SGMS1: variants seen among roughly 807,000 people sequenced by gnomAD.
The protein encoded by SGMS1 is phosphatidylcholine:ceramide cholinephosphotransferase 1.
SGMS1 carries 13 observed loss-of-function variants against 46.2 expected under a neutral mutation model. That is an observed-to-expected ratio of 0.28 (90% CI 0.18 to 0.45). The LOEUF (loss-of-function observed/expected upper bound fraction) is 0.45. Ranked by LOEUF, SGMS1 falls within the 20% of genes least tolerant of loss-of-function variation. The probability of loss-of-function intolerance (pLI) is 1.00; values close to 1 mark genes in which losing one functional copy is unlikely to be tolerated. For missense variants in SGMS1, 324 were observed against 519.9 expected, an observed-to-expected ratio of 0.62 and a Z score of 3.66; for synonymous variants, 203 against 187.8, an observed-to-expected ratio of 1.08 and a Z score of -0.66.
intron 3 of SGMS1, among the ~76,000 whole-genome samples, chr10:50,471,359 A>T (rs1415517670): frequency 6.6e-6 from 1 of 152,226 alleles, no homozygotes; most frequent in Non-Finnish European, 1.5e-5. Context: ...GCAAGGAGAA[A>T]AAAACCACGT....
chr10:50,373,039 T>A (rs1044531983), intron 6 of SGMS1, among the ~76,000 whole-genome samples: 1 of 152,340 alleles, frequency 6.6e-6, no homozygotes, highest in African/African-American at 2.4e-5. Context: ...ATCTTCCACA[T>A]AAAATTTAGC....
At chr10:50,477,096 C>T (rs886871636) in intron 3 of SGMS1, among the ~76,000 whole-genome samples, 1 of 152,228 alleles carries the variant, frequency 6.6e-6, no homozygotes, top group Non-Finnish European at 1.5e-5. Flanking sequence ...TTGCATCATG[C>T]ACCTGGAAAA....
intron 8 of SGMS1, 49 bp from the exon 9 acceptor site, chr10:50,311,464 C>A (rs1282374552): frequency 3.8e-6 from 6 of 1,571,784 alleles, no homozygotes; most frequent in Non-Finnish European, 5.2e-6. Flanking sequence ...TACGAGCCCA[C>A]ATGAAAATGT....
At chr10:50,415,947 G>A (rs976879959) in intron 6 of SGMS1, among the ~76,000 whole-genome samples, 1 of 152,192 alleles carries the variant, frequency 6.6e-6, no homozygotes, top group Non-Finnish European at 1.5e-5. Flanking sequence ...TGCACACCCT[G>A]AATTAAAAGG....
At chr10:50,394,297 T>A (rs900269146) in intron 6 of SGMS1, among the ~76,000 whole-genome samples, 1 of 152,226 alleles carries the variant, frequency 6.6e-6, no homozygotes, top group Admixed American at 6.5e-5. Flanking sequence ...GTGTCGTGTT[T>A]CCTAAAACAA....
chr10:50,614,086 GA>G (rs1838774717), intron 1 of SGMS1, among the ~76,000 whole-genome samples: 2 of 151,562 alleles, frequency 1.3e-5, no homozygotes, highest in Admixed American at 6.6e-5. Flanking sequence ...CCTCCATGGG[GA>G]TAAGTGGTGA....
intron 6 of SGMS1, among the ~76,000 whole-genome samples, chr10:50,386,340 C>A (rs1440890563): frequency 6.6e-6 from 1 of 152,144 alleles, no homozygotes; most frequent in Admixed American, 6.6e-5. Context: ...GAATGCATTA[C>A]TTCATATAGC....
chr10:50,315,649 T>C (rs1847327325), intron 8 of SGMS1, among the ~76,000 whole-genome samples: 1 of 152,126 alleles, frequency 6.6e-6, no homozygotes, highest in Admixed American at 6.6e-5. Context: ...AAAGATGGAG[T>C]GTGCTTACTC....
chr10:50,603,635 A>G (rs1838668685), intron 1 of SGMS1, among the ~76,000 whole-genome samples: 1 of 152,258 alleles, frequency 6.6e-6, no homozygotes. Context: ...TTGAGGGGTA[A>G]AAAACTAAAT....
At chr10:50,622,245 AC>A (rs1838859028) in intron 1 of SGMS1, among the ~76,000 whole-genome samples, 1 of 152,010 alleles carries the variant, frequency 6.6e-6, no homozygotes, top group African/African-American at 2.4e-5. Context: ...GACGTTTCAC[AC>A]CCCGACCAAT....
chr10:50,363,540 G>A lies in SGMS1; in HGVS notation c.-231-19195C>T, dbSNP rs556343781. Among the ~76,000 whole-genome samples the A allele has an allele frequency of 1.2e-4, 19 of 152,240 alleles. No individual in the cohort carries two copies. The East Asian group carries it at 3.7e-3, about 29-fold the overall frequency. ...ATAGAATACTGAAGTTTATCCTCTG[G>A]AAAAGAGACATGGAGAGTTTCTAGA... On this transcript the variant is annotated intron_variant, in intron 6 of 10. Coordinates refer to ENST00000361781, the MANE Select transcript of SGMS1 (RefSeq NM_147156.4).
chr10:50,547,520 A>G (rs1838111738), intron 2 of SGMS1, among the ~76,000 whole-genome samples: 1 of 152,246 alleles, frequency 6.6e-6, no homozygotes, highest in African/African-American at 2.4e-5. Flanking sequence ...GAATAGACCA[A>G]TAATGAGTTC....
intron 3 of SGMS1, among the ~76,000 whole-genome samples, chr10:50,475,244 A>G (rs1336164455): frequency 2.0e-5 from 3 of 152,204 alleles, no homozygotes; most frequent in African/African-American, 7.2e-5. Context: ...ATTACATTTT[A>G]TTGCTCTATG....
intron 7 of SGMS1, chr10:50,341,205 A>G (rs1191760741): frequency 5.2e-6 from 2 of 382,238 alleles, no homozygotes; most frequent in Admixed American, 3.1e-5. Context: ...TGATACTACA[A>G]AAGATTTTAA....
intron 3 of SGMS1, among the ~76,000 whole-genome samples, chr10:50,518,453 T>A (rs1314755135): frequency 2.0e-5 from 3 of 152,208 alleles, no homozygotes; most frequent in African/African-American, 7.2e-5. Context: ...TGAGATGGTG[T>A]TTCGCTCTTG....
At chr10:50,454,542 A>G (rs1837166706) in intron 5 of SGMS1, among the ~76,000 whole-genome samples, 1 of 152,198 alleles carries the variant, frequency 6.6e-6, no homozygotes, top group South Asian at 2.1e-4. Context: ...ATGGGTCACA[A>G]TGAGTCTAAG....
chr10:50,419,903 C>T (rs1468384292), intron 6 of SGMS1, among the ~76,000 whole-genome samples: 1 of 152,188 alleles, frequency 6.6e-6, no homozygotes, highest in East Asian at 1.9e-4. Context: ...AAAGTGAGAT[C>T]AGCAAAATGC....
intron 6 of SGMS1, among the ~76,000 whole-genome samples, chr10:50,371,183 G>C (rs1848430445): frequency 6.6e-6 from 1 of 152,158 alleles, no homozygotes; most frequent in Non-Finnish European, 1.5e-5. Context: ...ACACCAGTAG[G>C]CTATATAGGT....
chr10:50,321,473 G>C (rs1847442620), intron 8 of SGMS1, among the ~76,000 whole-genome samples: 1 of 152,118 alleles, frequency 6.6e-6, no homozygotes, highest in Non-Finnish European at 1.5e-5. Context: ...GAGAACAGCA[G>C]CAATGAGAGA....
Sources: allele counts gnomAD v4.1 joint callset (sites outside exome capture counted in the v4.1 genomes callset), GRCh38; gene constraint gnomAD v4.1.1; transcripts MANE v1.5; gene names NCBI Gene and HGNC (gene_info 2026-07-23, HGNC 2026-07-21).